The following FLYWCH1 variants were observed in gnomAD, a reference collection of about 807,000 sequenced individuals.
The protein encoded by FLYWCH1 is FLYWCH-type zinc finger-containing protein 1.
A neutral mutation model predicts 66.4 loss-of-function variants in FLYWCH1; 75 were observed. That is an observed-to-expected ratio of 1.13 (90% CI 0.94 to 1.37). FLYWCH1 has a LOEUF of 1.37. Among genes scored for constraint, FLYWCH1 ranks in the 40% most tolerant of loss-of-function variants. The pLI is 0.00. For synonymous variants in FLYWCH1, 595 were observed against 429.9 expected (o/e 1.38, Z -4.75); for missense variants, 1,334 against 1,001.8 (o/e 1.33, Z -4.48).
intron 2 of FLYWCH1, among the ~76,000 whole-genome samples, chr16:2,920,080 G>A (rs963702317): frequency 2.6e-5 from 4 of 151,800 alleles, no homozygotes; most frequent in Admixed American, 2.0e-4. Flanking sequence ...CATTTGAGTG[G>A]CAGGATTAGG....
intron 2 of FLYWCH1, among the ~76,000 whole-genome samples, chr16:2,920,772 C>T (rs1441075013): frequency 6.6e-6 from 1 of 151,376 alleles, no homozygotes; most frequent in East Asian, 1.9e-4. Flanking sequence ...AACTCCCCAC[C>T]TCAGGTGATC....
rs769967972 is a variant in FLYWCH1, at chr16:2,933,978, A to C, written c.1512A>C (p.Pro504=). 1 of 1,525,960 alleles carries C rather than the reference A, an allele frequency of 6.6e-7. No homozygotes were observed. Among genetic ancestry groups the C allele is most frequent in the Non-Finnish European group, 8.8e-7 (1 of 1,133,758 alleles). 94.5% of individuals were successfully genotyped at this position (1,525,960 alleles called of 1,614,324 possible). ...CCAACACGGCGCAGCGGGGGAGCCC[A>C]GGTACCTGGGGGTGGGCTGGGAGCT... ...KRPNTAQRGS[P]GGPEFLKTPL... is the part of the protein sequence containing the mutation. Residue 504 remains proline, a splice_region_variant and synonymous_variant, in exon 6 of 10, where the codon CCA becomes CCC. Transcript: ENST00000253928.
At position 2,933,794 on chromosome 16, in the gene FLYWCH1, C is replaced by T. The variant is rs115196548; in HGVS notation, c.1328C>T (p.Ala443Val). ...TCCTTCCTCTACCGGCGGGAGAAGG[C>T]GGCTGGGGAGAAGGTGTATTGGACC... ...YESFLYRREK[A>V]AGEKVYWTCR... Residue 443 changes from alanine (A) to valine (V), a missense_variant, in exon 6 of 10, where the codon GCG becomes GTG. Coordinates refer to ENST00000253928, the MANE Select transcript of FLYWCH1 (RefSeq NM_001308068.2). 1.4e-4 allele frequency: 227 copies of T among 1,608,324 alleles called. 1 individual carries two copies. The African/African-American group carries it at 2.1e-3, about 15-fold the overall frequency.
chr16:2,935,814 A>T (rs989165186), intron 6 of FLYWCH1: 9 of 151,902 alleles, frequency 5.9e-5, no homozygotes, highest in African/African-American at 2.2e-4. Context: ...TGTGTCCTTC[A>T]TCGTGGGGTC....
chr16:2,927,456 A>G (rs1462544068), intron 2 of FLYWCH1, among the ~76,000 whole-genome samples: 3 of 152,236 alleles, frequency 2.0e-5, no homozygotes, highest in African/African-American at 7.2e-5. Flanking sequence ...CTCACCTTCT[A>G]TGAGAACATT....
intron 2 of FLYWCH1, among the ~76,000 whole-genome samples, chr16:2,927,861 C>G (rs991236638): frequency 3.3e-5 from 5 of 152,340 alleles, no homozygotes; most frequent in Admixed American, 2.0e-4. Context: ...GATGGGCACT[C>G]TATGTGCGAG....
intron 2 of FLYWCH1, among the ~76,000 whole-genome samples, chr16:2,920,374 G>A (rs189741377): frequency 6.6e-6 from 1 of 152,128 alleles, no homozygotes; most frequent in Non-Finnish European, 1.5e-5. Flanking sequence ...ATTTAGCCAT[G>A]TGTGGTTTCA....
intron 9 of FLYWCH1, among the ~76,000 whole-genome samples, chr16:2,940,958 C>G (rs1243374118): frequency 6.6e-6 from 1 of 152,080 alleles, no homozygotes; most frequent in Non-Finnish European, 1.5e-5. Flanking sequence ...TGGTGAAACC[C>G]CATCTCTACT....
intron 8 of FLYWCH1, among the ~76,000 whole-genome samples, chr16:2,939,293 A>G (rs1026098753): frequency 6.6e-6 from 1 of 152,092 alleles, no homozygotes; most frequent in Non-Finnish European, 1.5e-5. Flanking sequence ...TAAAAATACA[A>G]AATTAGCTGG....
intron 2 of FLYWCH1, among the ~76,000 whole-genome samples, chr16:2,920,815 A>G (rs908624866): frequency 6.3e-5 from 9 of 142,820 alleles, no homozygotes; most frequent in African/African-American, 2.4e-4. Context: ...TGCTAGGATT[A>G]CAGGCGTGAG....
rs200725863 is a variant in FLYWCH1 at position 2,933,581 on chromosome 16, G to A, written c.1248G>A (p.Pro416=). The A allele has an allele frequency of 4.4e-5, 69 of 1,583,566 alleles. No homozygotes were observed. Among genetic ancestry groups the A allele is most frequent in the South Asian group, 6.9e-5 (6 of 86,378 alleles). The change falls in exon 5 of 10, where the codon CCG becomes CCA. Residue 416 remains proline, a splice_region_variant and synonymous_variant. Transcript: ENST00000253928. The part of the protein sequence containing the change: ...PDEHQDMDAD[P]GGPEFLKTPL... The stretch of plus-strand genomic sequence containing the variant: ...AGCACCAGGACATGGACGCAGACCC[G>A]GGTGAGCTGCCTTCCTTTGGGGCTC...
At position 2,929,829 on chromosome 16, in the gene FLYWCH1, C is replaced by T. The variant is rs370160424; in HGVS notation, c.144C>T (p.Ser48=). ...CCAAACTGGTGCTGCTCACAGCCTCCGACCAAGATGAGGATGGGGTGGGAT... is the reference window on the plus strand; with the variant it reads ...CCAAACTGGTGCTGCTCACAGCCTCTGACCAAGATGAGGATGGGGTGGGAT... ...EFSKLVLLTA[S]DQDEDGVGSK... Residue 48 remains serine, a synonymous_variant, in exon 3 of 10, where the codon TCC becomes TCT. Coordinates refer to ENST00000253928, the MANE Select transcript of FLYWCH1 (RefSeq NM_001308068.2). The T allele has an allele frequency of 2.1e-5, 34 of 1,613,928 alleles. No homozygotes were observed. The African/African-American group carries it at 2.7e-4, about 13-fold the overall frequency.
chr16:2,940,775 G>C (rs955014724), intron 9 of FLYWCH1, among the ~76,000 whole-genome samples: 1 of 152,182 alleles, frequency 6.6e-6, no homozygotes, highest in Non-Finnish European at 1.5e-5. Flanking sequence ...TATGGTCAAA[G>C]AACATACTTT....
chr16:2,948,121 C>A (rs375931303), intron 9 of FLYWCH1, among the ~76,000 whole-genome samples: 1 of 152,156 alleles, frequency 6.6e-6, no homozygotes, highest in African/African-American at 2.4e-5. Flanking sequence ...CCTGTGGCTT[C>A]TAGGGCACGA....
chr16:2,918,947 T>G (rs902650899), intron 2 of FLYWCH1, among the ~76,000 whole-genome samples: 5 of 152,090 alleles, frequency 3.3e-5, no homozygotes, highest in African/African-American at 1.2e-4. Flanking sequence ...GGATTTTGCT[T>G]TCTTTTTTTT....
At chr16:2,920,622 G>A (rs1386677457) in intron 2 of FLYWCH1, among the ~76,000 whole-genome samples, 1 of 151,672 alleles carries the variant, frequency 6.6e-6, no homozygotes, top group South Asian at 2.1e-4. Context: ...TGCTCTTGTT[G>A]CCCAGGCTGG....
chr16:2,917,180 T>A (rs777867785), intron 2 of FLYWCH1, among the ~76,000 whole-genome samples: 23 of 151,080 alleles, frequency 1.5e-4, no homozygotes, highest in Non-Finnish European at 1.9e-4. Flanking sequence ...GTAAAAAAAA[T>A]TTTTAAAAAG....
chr16:2,938,605 T>A (rs2071122824), intron 8 of FLYWCH1, 149 bp downstream of exon 8: 1 of 630,798 alleles, frequency 1.6e-6, no homozygotes, highest in Non-Finnish European at 2.2e-6. Context: ...AAACCAGTCT[T>A]TGTTTTTTTT....
At chr16:2,934,012 G>A (rs899606191) in intron 6 of FLYWCH1, 33 bp downstream of exon 6, 11 of 1,490,294 alleles carry the variant, frequency 7.4e-6, no homozygotes, top group Non-Finnish European at 9.8e-6. Flanking sequence ...CTGGGCCCCA[G>A]GAAGCAGGCA....
Sources: gnomAD v4.1 joint callset for allele counts (sites outside exome capture counted in the v4.1 genomes callset) on GRCh38, gnomAD v4.1.1 for gene constraint, MANE v1.5 for transcripts, NCBI Gene and HGNC (gene_info 2026-07-23, HGNC 2026-07-21) for gene names.